The following SIM1 variants were observed in gnomAD, a reference collection of about 807,000 sequenced individuals.
SIM1 encodes the protein single-minded homolog 1.
SIM1 carries 18 observed loss-of-function variants against 78.2 expected under a neutral mutation model. The observed-to-expected ratio is 0.23, with a 90% CI of 0.16 to 0.34. The LOEUF (loss-of-function observed/expected upper bound fraction) is 0.34, where lower values mean the gene tolerates loss of function less well. SIM1 is among the 10% of genes least tolerant of loss of function. The probability of loss-of-function intolerance (pLI) is 1.00; values close to 1 mark genes in which losing one functional copy is unlikely to be tolerated. For missense variants in SIM1, 939 were observed against 975.1 expected (o/e 0.96, Z 0.49); for synonymous variants, 417 against 385.2 (o/e 1.08, Z -0.97).
chr6:100,413,231 A>G (rs1312500561), intron 10 of SIM1, among the ~76,000 whole-genome samples: 1 of 152,170 alleles, frequency 6.6e-6, no homozygotes, highest in African/African-American at 2.4e-5. Flanking sequence ...AACACGTCTC[A>G]TCACTCTCCT....
In SIM1 at chr6:100,393,526, T is replaced by C. The variant is rs1473236650; in HGVS notation, c.1531A>G (p.Asn511Asp). 2 of 1,582,742 alleles carry C rather than the reference T, an allele frequency of 1.3e-6. No homozygotes were observed. Among genetic ancestry groups the C allele is most frequent in the South Asian group, 1.1e-5 (1 of 87,996 alleles). ...ASPESREAYE[N>D]SMPHIASVHR... ...ACTGAAGCGATGTGAGGCATGCTGT[T>C]TTCATAGGCTTCTCTGCTTTCTGGG... The change falls in exon 11 of 12, where the codon AAC (asparagine) becomes GAC (aspartate). Residue 511 changes from asparagine (N) to aspartate (D), a missense_variant. Coordinates refer to ENST00000369208, the MANE Select transcript of SIM1 (RefSeq NM_005068.3).
chr6:100,385,508 C>A lies in SIM1; in HGVS notation c.*4853G>T, dbSNP rs1057377045. ...CCGGGTGTAAGTTTAACAGTGATTA[C>A]ATGTGTCCCAGGTCAGCAAATTAGG... On this transcript the variant is annotated 3_prime_UTR_variant, in exon 12 of 12. Transcript: ENST00000369208. 6 of 151,904 alleles carry A rather than the reference C, an allele frequency of 3.9e-5. No homozygotes were observed. The highest frequency in any genetic ancestry group is 1.5e-4 in the African/African-American group (6 of 41,360). 9.4% of individuals were successfully genotyped at this position (151,904 alleles called of 1,614,324 possible).
intron 10 of SIM1, among the ~76,000 whole-genome samples, chr6:100,418,938 G>A (rs1034161931): frequency 2.0e-5 from 3 of 152,120 alleles, no homozygotes; most frequent in Admixed American, 6.5e-5. Context: ...AGGCTGAGGC[G>A]AGCAGATTGC....
chr6:100,422,719 G>A (rs1242914515), intron 9 of SIM1, among the ~76,000 whole-genome samples: 1 of 151,972 alleles, frequency 6.6e-6, no homozygotes, highest in Non-Finnish European at 1.5e-5. Context: ...ACATAATGAT[G>A]AATATATGAG....
In SIM1 at chr6:100,393,774, G is replaced by A. The variant is rs1327417874; in HGVS notation, c.1283C>T (p.Ser428Phe). ...GTAGGCGCACGATGCGTCGTGCTGG[G>A]AGCCAGGCCTATCGGCGGGGTCCAG... ...QLLDPADRPG[S>F]QHDASCAYRQ... The change falls in exon 11 of 12, where the codon TCC (serine) becomes TTC (phenylalanine). Residue 428 changes from serine to phenylalanine, a missense_variant. Around this residue, in one of 5 missense-constraint regions of SIM1, gnomAD observed 556 missense variants for 521.9 expected, o/e 1.07. Coordinates refer to ENST00000369208, the MANE Select transcript of SIM1 (RefSeq NM_005068.3). 1 of 1,614,168 alleles carries A rather than the reference G, an allele frequency of 6.2e-7. No individual in the cohort carries two copies. The highest frequency in any genetic ancestry group is 8.5e-7 in the Non-Finnish European group (1 of 1,180,000).
chr6:100,428,588 A>G (rs1771797858), intron 9 of SIM1, among the ~76,000 whole-genome samples: 1 of 151,242 alleles, frequency 6.6e-6, no homozygotes, highest in South Asian at 2.1e-4. Context: ...CTTATATACT[A>G]CTAGTAAGAC....
intron 9 of SIM1, among the ~76,000 whole-genome samples, chr6:100,429,677 T>C (rs1683731644): frequency 6.6e-6 from 1 of 152,216 alleles, no homozygotes; most frequent in Admixed American, 6.5e-5. Context: ...TCTTTAAACA[T>C]CTCTGCATTA....
At chr6:100,393,985 G>A in intron 10 of SIM1, 96 bp from the exon 11 acceptor site, 3 of 1,288,182 alleles carry the variant, frequency 2.3e-6, no homozygotes, top group Middle Eastern at 4.3e-4. Flanking sequence ...TACTCTACAA[G>A]CACCCTTAAG....
At position 100,446,369 on chromosome 6, in the gene SIM1, C is replaced by T. The variant is rs1250443550; in HGVS notation, c.998+899G>A. Among the ~76,000 whole-genome samples the T allele has an allele frequency of 2.0e-5, 3 of 152,244 alleles. No individual in the cohort carries two copies. In the East Asian group the frequency reaches 5.8e-4, roughly 29 times the overall value. ...ACTTCCAGCTTCCAAAGTAAACAACCCATGAGATCCCCTAAAATCACAAGA... is the reference window on the plus strand; with the variant it reads ...ACTTCCAGCTTCCAAAGTAAACAACTCATGAGATCCCCTAAAATCACAAGA... On this transcript the variant is annotated intron_variant, in intron 9 of 11. Coordinates refer to ENST00000369208, the MANE Select transcript of SIM1 (RefSeq NM_005068.3).
At chr6:100,421,246 AC>A (rs1771573966) in intron 9 of SIM1, among the ~76,000 whole-genome samples, 1 of 152,008 alleles carries the variant, frequency 6.6e-6, no homozygotes, top group South Asian at 2.1e-4. Context: ...TAAACAACCT[AC>A]TCTACAGGTT....
At chr6:100,432,720 A>T (rs1292077719) in intron 9 of SIM1, among the ~76,000 whole-genome samples, 2 of 151,950 alleles carry the variant, frequency 1.3e-5, no homozygotes, top group African/African-American at 4.8e-5. Context: ...CTCTCTGGGG[A>T]TCTCATCCAC....
rs888645815 is a variant in SIM1, at chr6:100,388,500, A to G, written c.*1861T>C. On this transcript the variant is annotated 3_prime_UTR_variant, in exon 12 of 12. Transcript: ENST00000369208. The stretch of plus-strand genomic sequence containing the variant: ...TTTTTGCATTTACAGCACAAATGTT[A>G]ACATTATTTAATTTTATGTAGCCTC... The G allele has an allele frequency of 4.6e-5, 7 of 152,212 alleles. No homozygotes were observed. The highest frequency in any genetic ancestry group is 1.7e-4 in the African/African-American group (7 of 41,462). 9.4% of individuals were successfully genotyped at this position (152,212 alleles called of 1,614,324 possible).
Position 100,398,913 on chromosome 6 carries a change from A to C in SIM1, c.1168-5024T>G, listed in dbSNP as rs560952543. Among the ~76,000 whole-genome samples the C allele has an allele frequency of 2.0e-5, 3 of 150,542 alleles. No homozygotes were observed. The East Asian group carries it at 6.1e-4, about 30-fold the overall frequency. On this transcript the variant is annotated intron_variant, in intron 10 of 11. Coordinates refer to ENST00000369208, the MANE Select transcript of SIM1 (RefSeq NM_005068.3). ...GTACAACGGGTTCAAATGTATCTAC[A>C]TCCTCACCAACACTTGTTATTGTGT...
intron 10 of SIM1, among the ~76,000 whole-genome samples, chr6:100,395,718 C>T (rs1770750371): frequency 6.6e-6 from 1 of 152,188 alleles, no homozygotes; most frequent in African/African-American, 2.4e-5. Flanking sequence ...TTCCCCTCAC[C>T]ACTAGGCCCA....
rs1193415043 is a variant in SIM1, at chr6:100,386,304, AAATG to A, written c.*4053_*4056del. 6.6e-6 allele frequency: 1 copy of A among 152,036 alleles called. No homozygotes were observed. Among genetic ancestry groups the A allele is most frequent in the Non-Finnish European group, 1.5e-5 (1 of 67,918 alleles). The allele number at this position is 152,036 out of a possible 1,614,324, so 9.4% of individuals were successfully genotyped here. A position where few individuals can be genotyped will look rare whatever the true frequency, so the allele number is the denominator to read the frequency against. ...CCAGGTGAGTGACCCCAAAATGGTC[AAATG>A]CTCAATTTTCCAAATATCAGCATTC... On this transcript the variant is annotated 3_prime_UTR_variant, in exon 12 of 12. Transcript: ENST00000369208.
intron 9 of SIM1, among the ~76,000 whole-genome samples, chr6:100,428,488 G>A (rs941313953): frequency 1.1e-4 from 16 of 152,126 alleles, no homozygotes; most frequent in African/African-American, 4.8e-5. Flanking sequence ...AATTAAAGCA[G>A]CTAACGGGTG....
chr6:100,421,219 T>C (rs1036531458), intron 9 of SIM1, among the ~76,000 whole-genome samples: 2 of 152,158 alleles, frequency 1.3e-5, no homozygotes, highest in African/African-American at 4.8e-5. Context: ...CTGTGAGCTC[T>C]TTGATGAGAT....
chr6:100,396,966 A>G (rs1770783473), intron 10 of SIM1, among the ~76,000 whole-genome samples: 1 of 152,232 alleles, frequency 6.6e-6, no homozygotes, highest in Non-Finnish European at 1.5e-5. Flanking sequence ...TCTGTATAAT[A>G]TAATAACTAT....
chr6:100,391,137 C>A, intron 11 of SIM1, 46 bp from the exon 12 acceptor site: 1 of 1,523,800 alleles, frequency 6.6e-7, no homozygotes. Context: ...AGAATTCACC[C>A]TCAAAATAAG....
Sources: gnomAD v4.1 joint callset for allele counts (sites outside exome capture counted in the v4.1 genomes callset) on GRCh38, gnomAD v4.1.1 for gene constraint, gnomAD v4.1.1 regional missense constraint, MANE v1.5 for transcripts, NCBI Gene and HGNC (gene_info 2026-07-23, HGNC 2026-07-21) for gene names.